The following ZNF532 variants were observed in gnomAD, a reference collection of about 807,000 sequenced individuals.
ZNF532 encodes the protein zinc finger protein 532.
In ZNF532, 22 loss-of-function variants were observed where a neutral mutation model predicts 89.3. That is an observed-to-expected ratio of 0.25 (90% CI 0.18 to 0.35). The LOEUF (loss-of-function observed/expected upper bound fraction) is 0.35. Ranked by LOEUF, ZNF532 falls within the 10% of genes least tolerant of loss-of-function variation. The pLI, the probability that ZNF532 is intolerant of heterozygous loss-of-function variation, is 1.00. For synonymous variants in ZNF532, 606 were observed against 649.6 expected (o/e 0.93, Z 1.02); for missense variants, 1,132 against 1,643.4 (o/e 0.69, Z 5.38).
rs1282634337 is a variant in ZNF532 at position 58,953,590 on chromosome 18, C to T, written c.2941C>T (p.Pro981Ser). Residue 981 changes from proline to serine, a missense_variant, in exon 7 of 10, where the codon CCT (proline) becomes TCT (serine). Around this residue, in one of 9 missense-constraint regions of ZNF532, gnomAD observed 415 missense variants for 604.8 expected, o/e 0.69. Coordinates refer to ENST00000591808, the MANE Select transcript of ZNF532 (RefSeq NM_001375912.1). ...LGINLPLSIK[P>S]ATQNSANQNK... The stretch of plus-strand genomic sequence containing the variant: ...TATAAACTTGCCTTTGAGCATTAAG[C>T]CTGCAACTCAAAATTCAGCAAATCA... The T allele has an allele frequency of 1.2e-6, 2 of 1,613,634 alleles. No individual in the cohort carries two copies. Among genetic ancestry groups the T allele is most frequent in the Non-Finnish European group, 1.7e-6 (2 of 1,179,748 alleles).
At chr18:58,920,802 G>A (rs2061006580) in intron 3 of ZNF532, among the ~76,000 whole-genome samples, 169 bp downstream of exon 3, 1 of 150,924 alleles carries the variant, frequency 6.6e-6, no homozygotes, top group Admixed American at 6.6e-5. Context: ...TTGGGGAGGG[G>A]AGGGGGAATG....
intron 6 of ZNF532, among the ~76,000 whole-genome samples, chr18:58,949,459 G>A (rs1603274894): frequency 1.3e-5 from 2 of 152,322 alleles, no homozygotes; most frequent in South Asian, 4.1e-4. Context: ...AGCACTTTGG[G>A]AGGCCAAGGT....
In ZNF532 at chr18:58,966,375, A is replaced by G. The variant is rs151220714; in HGVS notation, c.3150+12576A>G. On this transcript the variant is annotated intron_variant, in intron 7 of 9. Coordinates refer to ENST00000591808, the MANE Select transcript of ZNF532 (RefSeq NM_001375912.1). ...TCTAAAATTACTTGCCTTGGTGTTT[A>G]TAATTTGTTTCTAAATTATATTTTA... Among the ~76,000 whole-genome samples, 1,384 of 152,310 alleles carry G rather than the reference A, an allele frequency of 9.1e-3. 20 individuals are homozygous for G. Among genetic ancestry groups the G allele is most frequent in the African/African-American group, 0.031 (1,296 of 41,568 alleles).
At chr18:58,889,972 A>G (rs765424787) in intron 2 of ZNF532, among the ~76,000 whole-genome samples, 1 of 151,372 alleles carries the variant, frequency 6.6e-6, no homozygotes, top group Non-Finnish European at 1.5e-5. Flanking sequence ...AGTCCCAGCT[A>G]CTCAGGAGGC....
rs2063836263 is a variant in ZNF532, at chr18:58,948,339, G to C, written c.2868+110G>C. ...AAAGCATGCCTCACTGTCGAGGGAAGGGATGGATGCTGGTCGTTGTCAGTG... is the reference window on the plus strand; with the variant it reads ...AAAGCATGCCTCACTGTCGAGGGAACGGATGGATGCTGGTCGTTGTCAGTG... On this transcript the variant is annotated intron_variant, in intron 6 of 9. Coordinates refer to ENST00000591808, the MANE Select transcript of ZNF532 (RefSeq NM_001375912.1). 3 of 1,147,780 alleles carry C rather than the reference G, an allele frequency of 2.6e-6. No homozygotes were observed. The South Asian group carries it at 4.8e-5, about 18-fold the overall frequency. The allele number at this position is 1,147,780 out of a possible 1,614,324, so 71.1% of individuals were successfully genotyped here. A position where few individuals can be genotyped will look rare whatever the true frequency, so the allele number is the denominator to read the frequency against.
At chr18:58,901,747 C>G (rs895490790) in intron 2 of ZNF532, among the ~76,000 whole-genome samples, 5 of 152,174 alleles carry the variant, frequency 3.3e-5, no homozygotes, top group African/African-American at 1.2e-4. Context: ...TGAATGGGTA[C>G]TGGCCTCTTA....
intron 2 of ZNF532, among the ~76,000 whole-genome samples, chr18:58,880,771 C>CATGTGTGTGTGTGT (rs1555704787): frequency 3.4e-5 from 5 of 145,258 alleles, no homozygotes; most frequent in African/African-American, 5.1e-5. Flanking sequence ...CACGCGCGCG[C>CATGTGTGTGTGTGT]GTCTGTGTGT....
At chr18:58,901,948 G>C (rs1235135136) in intron 2 of ZNF532, among the ~76,000 whole-genome samples, 2 of 152,178 alleles carry the variant, frequency 1.3e-5, no homozygotes, top group Admixed American at 1.3e-4. Context: ...TGGACAGCTA[G>C]GAGTAGACAC....
intron 7 of ZNF532, among the ~76,000 whole-genome samples, chr18:58,974,885 G>A (rs543142454): frequency 1.4e-4 from 22 of 152,184 alleles, no homozygotes; most frequent in Non-Finnish European, 2.4e-4. Flanking sequence ...ACCATTTGAC[G>A]TAGTTAAAAC....
At chr18:58,958,220 A>T (rs750613362) in intron 7 of ZNF532, among the ~76,000 whole-genome samples, 1 of 152,196 alleles carries the variant, frequency 6.6e-6, no homozygotes, top group African/African-American at 2.4e-5. Flanking sequence ...GTAATCTGAT[A>T]TCAAGTCAAA....
chr18:58,941,100 G>A (rs1301528088), intron 5 of ZNF532, among the ~76,000 whole-genome samples: 1 of 151,616 alleles, frequency 6.6e-6, no homozygotes, highest in Admixed American at 6.6e-5. Flanking sequence ...ATTTTAGTAG[G>A]ACCTTCATTC....
chr18:58,953,253 A>G (rs1325210957), intron 6 of ZNF532: 4 of 312,314 alleles, frequency 1.3e-5, no homozygotes, highest in Non-Finnish European at 2.3e-5. Flanking sequence ...TGTTCAATAC[A>G]GAGGTCTTTC....
chr18:58,906,405 C>T (rs865923226), intron 2 of ZNF532, among the ~76,000 whole-genome samples: 7 of 152,162 alleles, frequency 4.6e-5, no homozygotes, highest in Non-Finnish European at 8.8e-5. Flanking sequence ...CCCTTTGACA[C>T]GCCCCATCAG....
chr18:58,950,057 A>T (rs1196505242), intron 6 of ZNF532, among the ~76,000 whole-genome samples: 3 of 152,280 alleles, frequency 2.0e-5, no homozygotes, highest in East Asian at 1.9e-4. Context: ...AAAACTGCTA[A>T]TAAAAATTTA....
intron 2 of ZNF532, among the ~76,000 whole-genome samples, chr18:58,876,177 G>A (rs1025465903): frequency 4.6e-5 from 7 of 151,978 alleles, no homozygotes; most frequent in Non-Finnish European, 7.4e-5. Flanking sequence ...CTCGTGATCC[G>A]CCTGCCTCGG....
At chr18:58,880,869 T>TTA (rs953370479) in intron 2 of ZNF532, among the ~76,000 whole-genome samples, 1 of 151,174 alleles carries the variant, frequency 6.6e-6, no homozygotes, top group Admixed American at 6.6e-5. Flanking sequence ...TTGGAAAAGA[T>TTA]TAAGCACATA....
chr18:58,962,203 A>G (rs1182196779), intron 7 of ZNF532, among the ~76,000 whole-genome samples: 2 of 151,558 alleles, frequency 1.3e-5, no homozygotes. Flanking sequence ...TCCAGCCTGG[A>G]TGACAGAGCG....
At chr18:58,897,300 T>A (rs985679702) in intron 2 of ZNF532, among the ~76,000 whole-genome samples, 2 of 152,212 alleles carry the variant, frequency 1.3e-5, no homozygotes, top group African/African-American at 4.8e-5. Context: ...CTGCCTTCCC[T>A]TTATTTTTAA....
chr18:58,978,461 A>G (rs2067307341), intron 7 of ZNF532, among the ~76,000 whole-genome samples: 1 of 152,188 alleles, frequency 6.6e-6, no homozygotes, highest in East Asian at 1.9e-4. Flanking sequence ...TTATCTTTTC[A>G]GTAAAAGATT....
Sources: gnomAD v4.1 joint callset for allele counts (sites outside exome capture counted in the v4.1 genomes callset) on GRCh38, gnomAD v4.1.1 for gene constraint, gnomAD v4.1.1 regional missense constraint, MANE v1.5 for transcripts, NCBI Gene and HGNC (gene_info 2026-07-23, HGNC 2026-07-21) for gene names.